The following MICAL3 variants were observed in gnomAD, a reference collection of about 807,000 sequenced individuals.
The protein encoded by MICAL3 is microtubule associated monooxygenase, calponin and LIM domain containing 3, also known as [F-actin]-monooxygenase MICAL3.
A neutral mutation model predicts 207.4 loss-of-function variants in MICAL3; 62 were observed. The ratio of observed to expected loss-of-function variants is 0.30; its 90% CI spans 0.24 to 0.37. The LOEUF is 0.37. Among genes scored for constraint, MICAL3 ranks in the 10% least tolerant of loss-of-function variants. The pLI, the probability that MICAL3 is intolerant of heterozygous loss-of-function variation, is 1.00. For missense variants in MICAL3, 2,368 were observed against 2,635.6 expected (o/e 0.90, Z 2.22); for synonymous variants, 1,077 against 1,069.3 (o/e 1.01, Z -0.14).
chr22:17,967,726 A>T (rs1935213351), intron 1 of MICAL3, among the ~76,000 whole-genome samples: 1 of 152,092 alleles, frequency 6.6e-6, no homozygotes, highest in Admixed American at 6.5e-5. Flanking sequence ...TGGGCAACAC[A>T]GCGAAACCCC....
intron 1 of MICAL3, among the ~76,000 whole-genome samples, chr22:17,943,718 T>G (rs1933918587): frequency 6.6e-6 from 1 of 152,238 alleles, no homozygotes; most frequent in Admixed American, 6.5e-5. Context: ...CTTTGCTGTC[T>G]GCTGTTTTGG....
At chr22:17,989,962 G>A (rs1252900618) in intron 1 of MICAL3, among the ~76,000 whole-genome samples, 1 of 152,114 alleles carries the variant, frequency 6.6e-6, no homozygotes, top group Non-Finnish European at 1.5e-5. Context: ...TCCTGAGGCA[G>A]GTTTGTCATG....
intron 7 of MICAL3, among the ~76,000 whole-genome samples, chr22:17,898,471 C>T (rs939786145): frequency 2.0e-5 from 3 of 152,182 alleles, no homozygotes; most frequent in African/African-American, 4.8e-5. Context: ...TCTCTGCCAC[C>T]GGCACATGCT....
At chr22:17,826,028 CT>C (rs1467176241) in intron 22 of MICAL3, among the ~76,000 whole-genome samples, 1 of 152,222 alleles carries the variant, frequency 6.6e-6, no homozygotes, top group Non-Finnish European at 1.5e-5. Flanking sequence ...CACCATCATC[CT>C]CCCATAAACC....
chr22:17,838,660 A>G (rs1923663099), intron 20 of MICAL3, among the ~76,000 whole-genome samples: 1 of 152,162 alleles, frequency 6.6e-6, no homozygotes, highest in Non-Finnish European at 1.5e-5. Flanking sequence ...TTTGACTCCA[A>G]AGTCAGGTTC....
Position 17,871,870 on chromosome 22 carries a change from G to A in MICAL3, c.2395C>T (p.Arg799Cys), listed in dbSNP as rs980069961. ...FKCEYCATTL[R>C]LSAYAYDIED... ...ATGTCGTAGGCGTAGGCCGAGAGGC[G>A]CAGGGTGGTGGCGCAGTACTCGCAC... is the stretch of plus-strand genomic sequence containing the variant. Residue 799 changes from arginine to cysteine, a missense_variant, in exon 17 of 32, where the codon CGC becomes TGC. Arg to Cys is a radical substitution (Grantham distance 180). This residue lies in a region of MICAL3 where 1,770 missense variants were observed against 1,863.2 expected (regional missense o/e 0.95). Transcript: ENST00000441493. The A allele has an allele frequency of 1.8e-5, 29 of 1,610,462 alleles. No homozygotes were observed. The highest frequency in any genetic ancestry group is 2.2e-5 in the East Asian group (1 of 44,808).
chr22:17,799,250 C>T (rs368153333), intron 29 of MICAL3, among the ~76,000 whole-genome samples: 2 of 152,068 alleles, frequency 1.3e-5, no homozygotes, highest in Non-Finnish European at 2.9e-5. Context: ...GGTGTGGTGG[C>T]GCACGCCTGT....
chr22:17,885,924 T>G lies in MICAL3; in HGVS notation c.2195A>C (p.Lys732Thr), dbSNP rs770496892. ...CTGTGCGGGCGCATTCTCTTCAAAT[T>G]TGGCCAGCAGCTGGGTCGCCATGTA... The part of the protein sequence containing the change: ...VKYMATQLLA[K>T]FEENAPAQSI... The change falls in exon 16 of 32, where the codon AAA (lysine) becomes ACA (threonine). Residue 732 changes from lysine to threonine, a missense_variant. Coordinates refer to ENST00000441493, the MANE Select transcript of MICAL3 (RefSeq NM_015241.3). 2 of 1,613,994 alleles carry G rather than the reference T, an allele frequency of 1.2e-6. No homozygotes were observed. Among genetic ancestry groups the G allele is most frequent in the Non-Finnish European group, 8.5e-7 (1 of 1,179,886 alleles).
intron 1 of MICAL3, among the ~76,000 whole-genome samples, chr22:17,989,422 T>C (rs1473654908): frequency 6.6e-6 from 1 of 152,012 alleles, no homozygotes; most frequent in Non-Finnish European, 1.5e-5. Context: ...TGCAGCAAGA[T>C]CCCAGAGGGC....
chr22:17,934,487 C>A (rs1933420494), intron 1 of MICAL3, among the ~76,000 whole-genome samples: 1 of 152,056 alleles, frequency 6.6e-6, no homozygotes, highest in Admixed American at 6.6e-5. Context: ...TATGACAAAC[C>A]CACAGCCAAT....
At chr22:17,821,558 C>G (rs1921641160) in intron 24 of MICAL3, 49 bp from the exon 25 acceptor site, 3 of 1,464,146 alleles carry the variant, frequency 2.0e-6, no homozygotes, top group African/African-American at 1.4e-5. Context: ...CCCCCATGTG[C>G]CAGGAAGGCA....
At chr22:17,826,139 C>G in intron 22 of MICAL3, among the ~76,000 whole-genome samples, 1 of 152,224 alleles carries the variant, frequency 6.6e-6, no homozygotes, top group East Asian at 1.9e-4. Context: ...ACCTCATTCT[C>G]AACACATTTT....
chr22:18,023,910 C>T (rs1212296894), intron 1 of MICAL3, among the ~76,000 whole-genome samples: 2 of 151,852 alleles, frequency 1.3e-5, no homozygotes, highest in Non-Finnish European at 2.9e-5. Flanking sequence ...TGACACCTGG[C>T]CTACCTCGGG....
rs2146169663 is a variant in MICAL3, at chr22:17,872,696, TC to T, written c.2242-674del. On this transcript the variant is annotated intron_variant, in intron 16 of 31. Transcript: ENST00000441493. ...AAGTGACTCAGCACACAGGTGTGTT[TC>T]CCATGGCTGTGCTGGGTCTAGCTAC... is the stretch of plus-strand genomic sequence containing the variant. 5 of 1,109,112 alleles carry T rather than the reference TC, an allele frequency of 4.5e-6. No individual in the cohort carries two copies. The East Asian group carries it at 9.4e-5, about 21-fold the overall frequency. 68.7% of individuals were successfully genotyped at this position (1,109,112 alleles called of 1,614,324 possible).
chr22:17,850,733 G>A (rs886545258), intron 19 of MICAL3, among the ~76,000 whole-genome samples: 1 of 151,900 alleles, frequency 6.6e-6, no homozygotes, highest in African/African-American at 2.4e-5. Context: ...TTACTGTCAG[G>A]TTATTTTTAC....
chr22:17,945,430 C>G (rs984466305), intron 1 of MICAL3, among the ~76,000 whole-genome samples: 1 of 152,168 alleles, frequency 6.6e-6, no homozygotes, highest in African/African-American at 2.4e-5. Flanking sequence ...GCTCTGAGCA[C>G]CCCTGCACAG....
intron 9 of MICAL3, 43 bp downstream of exon 9, chr22:17,896,203 C>T (rs561078409): frequency 1.5e-5 from 17 of 1,139,510 alleles, no homozygotes; most frequent in South Asian, 1.5e-4. Flanking sequence ...ACTCCTTCTT[C>T]CCAGTTTTCT....
At chr22:17,985,196 C>G (rs1030531099) in intron 1 of MICAL3, among the ~76,000 whole-genome samples, 11 of 152,130 alleles carry the variant, frequency 7.2e-5, no homozygotes, top group South Asian at 2.1e-4. Context: ...CAGGGTGTGC[C>G]TGGAGCACGG....
intron 20 of MICAL3, chr22:17,834,226 A>T (rs1923116076): frequency 1.8e-6 from 2 of 1,088,502 alleles, no homozygotes; most frequent in Non-Finnish European, 1.1e-6. Flanking sequence ...GCTCAATGAC[A>T]CATTCATTCA....
Sources: gnomAD v4.1 joint callset for allele counts (sites outside exome capture counted in the v4.1 genomes callset) on GRCh38, gnomAD v4.1.1 for gene constraint, gnomAD v4.1.1 regional missense constraint, MANE v1.5 for transcripts, NCBI Gene and HGNC (gene_info 2026-07-23, HGNC 2026-07-21) for gene names.